The following DIS3L2 variants were observed in gnomAD, a reference collection of about 807,000 sequenced individuals.
DIS3L2 encodes the protein DIS3 like 3'-5' exoribonuclease 2.
Under a neutral mutation model 97.5 loss-of-function variants are expected in DIS3L2, and 34 were observed. The observed-to-expected ratio is 0.35, with a 90% confidence interval of 0.27 to 0.46. DIS3L2 has a LOEUF of 0.46. Ranked by LOEUF, DIS3L2 falls within the 20% of genes least tolerant of loss-of-function variation. The probability of loss-of-function intolerance (pLI) is 1.00; values close to 1 mark genes in which losing one functional copy is unlikely to be tolerated. For synonymous variants in DIS3L2, 435 were observed against 445.2 expected (o/e 0.98, Z 0.29); for missense variants, 1,038 against 1,146.0 (o/e 0.91, Z 1.36).
At chr2:232,067,992 G>A (rs1025243505) in intron 5 of DIS3L2, among the ~76,000 whole-genome samples, 2 of 152,212 alleles carry the variant, frequency 1.3e-5, no homozygotes, top group East Asian at 1.9e-4. Context: ...GAGAGGGAGA[G>A]GCAATGAGAT....
intron 5 of DIS3L2, among the ~76,000 whole-genome samples, chr2:232,065,964 A>G (rs1031561416): frequency 2.0e-5 from 3 of 151,746 alleles, no homozygotes; most frequent in Non-Finnish European, 4.4e-5. Context: ...CCAGTTGTTC[A>G]TATCTAGTAT....
chr2:232,167,630 A>G (rs534676987), intron 9 of DIS3L2, among the ~76,000 whole-genome samples: 1 of 152,236 alleles, frequency 6.6e-6, no homozygotes, highest in Admixed American at 6.5e-5. Context: ...TTTGAAATTC[A>G]GCTAGTAAAT....
intron 9 of DIS3L2, among the ~76,000 whole-genome samples, chr2:232,184,835 G>T (rs1407912498): frequency 6.6e-6 from 1 of 152,150 alleles, no homozygotes; most frequent in African/African-American, 2.4e-5. Flanking sequence ...ACAATATCCT[G>T]TTCTGCTTTC....
At chr2:232,107,207 A>C in intron 6 of DIS3L2, among the ~76,000 whole-genome samples, 1 of 152,200 alleles carries the variant, frequency 6.6e-6, no homozygotes, top group Non-Finnish European at 1.5e-5. Flanking sequence ...TACAGAACGA[A>C]GAGCAGACAA....
chr2:232,058,516 C>T (rs528097918), intron 5 of DIS3L2, among the ~76,000 whole-genome samples: 19 of 152,134 alleles, frequency 1.2e-4, no homozygotes, highest in Admixed American at 3.3e-4. Context: ...GGGAAAGATT[C>T]GGTTAGCCAC....
At chr2:231,992,562 G>C (rs760959821) in intron 1 of DIS3L2, among the ~76,000 whole-genome samples, 9 of 151,958 alleles carry the variant, frequency 5.9e-5, no homozygotes, top group Non-Finnish European at 1.0e-4. Flanking sequence ...AACAGCTCAC[G>C]AACTCCACAT....
intron 5 of DIS3L2, among the ~76,000 whole-genome samples, chr2:232,039,647 A>G (rs1215450577): frequency 6.6e-6 from 1 of 152,168 alleles, no homozygotes; most frequent in Non-Finnish European, 1.5e-5. Context: ...CCACATTTTT[A>G]CTGTCTCCTT....
At chr2:232,218,147 AAGTC>A (rs1291461283) in intron 10 of DIS3L2, among the ~76,000 whole-genome samples, 6 of 152,218 alleles carry the variant, frequency 3.9e-5, no homozygotes, top group Non-Finnish European at 8.8e-5. Context: ...GGGCAGGAGA[AAGTC>A]AGAGAGATTC....
chr2:232,263,541 C>A, intron 13 of DIS3L2, 101 bp downstream of exon 13: 1 of 1,173,356 alleles, frequency 8.5e-7, no homozygotes, highest in South Asian at 1.4e-5. Flanking sequence ...CCTTCCTTCT[C>A]TTTGCTCCAG....
chr2:232,218,234 G>A lies in DIS3L2; in HGVS notation c.1204+7829G>A, dbSNP rs187430427. 1.5e-3 allele frequency among the ~76,000 whole-genome samples: 221 copies of A among 152,254 alleles called. 1 individual carries two copies. Among genetic ancestry groups the A allele is most frequent in the African/African-American group, 5.0e-3 (206 of 41,558 alleles). ...CTGTAGGAGTCATAAGCGAGGAACC[G>A]CGGATGAACACGCATGCTCACACAC... On this transcript the variant is annotated intron_variant, in intron 10 of 20. Transcript: ENST00000325385.
intron 12 of DIS3L2, among the ~76,000 whole-genome samples, chr2:232,252,632 G>C (rs1693449112): frequency 6.6e-6 from 1 of 152,206 alleles, no homozygotes; most frequent in Admixed American, 6.5e-5. Flanking sequence ...CAGGCACAGT[G>C]GCTCACGCCT....
chr2:232,036,460 A>G (rs1294371050), intron 5 of DIS3L2, among the ~76,000 whole-genome samples: 1 of 152,170 alleles, frequency 6.6e-6, no homozygotes, highest in East Asian at 1.9e-4. Flanking sequence ...GCATTGAGTT[A>G]GAACATGCTC....
intron 14 of DIS3L2, among the ~76,000 whole-genome samples, chr2:232,321,016 G>C (rs1695416034): frequency 6.6e-6 from 1 of 152,184 alleles, no homozygotes; most frequent in African/African-American, 2.4e-5. Flanking sequence ...GGAGAAGGTG[G>C]GCTTGGGTGC....
At chr2:231,987,610 A>G (rs1191274831) in intron 1 of DIS3L2, among the ~76,000 whole-genome samples, 1 of 152,180 alleles carries the variant, frequency 6.6e-6, no homozygotes, top group African/African-American at 2.4e-5. Flanking sequence ...CTCAGTTTAG[A>G]AGGCATGCGT....
At chr2:232,249,212 G>A (rs1456431598) in intron 11 of DIS3L2, 27 bp from the exon 12 acceptor site, 4 of 1,610,500 alleles carry the variant, frequency 2.5e-6, no homozygotes, top group Non-Finnish European at 3.4e-6. Context: ...GGAGAAAGGT[G>A]CTCATGGGCC....
chr2:232,058,780 T>C (rs1695618479), intron 5 of DIS3L2, among the ~76,000 whole-genome samples: 1 of 152,308 alleles, frequency 6.6e-6, no homozygotes, highest in African/African-American at 2.4e-5. Context: ...AAGTCAGTCA[T>C]TGATCGTGAA....
At position 232,330,701 on chromosome 2, in the gene DIS3L2, C is replaced by A. The variant is rs754195941; in HGVS notation, c.1935C>A (p.Thr645=). The A allele has an allele frequency of 1.2e-6, 2 of 1,614,000 alleles. No homozygotes were observed. Among genetic ancestry groups the A allele is most frequent in the Non-Finnish European group, 1.7e-6 (2 of 1,180,022 alleles). ...SSAGALNKSL[T]QTFGDDKYSL... ...GGATTTGCTTCTAGAAAAGCCTGAC[C>A]CAAACATTTGGAGATGACAAGTACT... Residue 645 remains threonine (T), a synonymous_variant, in exon 16 of 21, where the codon ACC becomes ACA. Transcript: ENST00000325385.
At chr2:232,121,701 G>A (rs114875525) in intron 6 of DIS3L2, among the ~76,000 whole-genome samples, 124 of 152,234 alleles carry the variant, frequency 8.1e-4, no homozygotes, top group Non-Finnish European at 1.5e-3. Context: ...CAACCCCAGA[G>A]GCTCCGAGTC....
At chr2:232,327,803 C>T (rs535757829) in intron 14 of DIS3L2, among the ~76,000 whole-genome samples, 1 of 152,324 alleles carries the variant, frequency 6.6e-6, no homozygotes, top group Non-Finnish European at 1.5e-5. Flanking sequence ...GCAGGTGGGG[C>T]AACAGGAGAA....
Sources: gnomAD v4.1 joint callset for allele counts (sites outside exome capture counted in the v4.1 genomes callset) on GRCh38, gnomAD v4.1.1 for gene constraint, MANE v1.5 for transcripts, NCBI Gene and HGNC (gene_info 2026-07-23, HGNC 2026-07-21) for gene names.